Variants in TLE5 observed in about 807,000 individuals in gnomAD.
TLE5 encodes the protein TLE family member 5.
TLE5 carries 7 observed loss-of-function variants against 25.8 expected under a neutral mutation model. The observed-to-expected ratio is 0.27, with a 90% CI of 0.15 to 0.51. TLE5 has a LOEUF of 0.51. TLE5 is among the 20% of genes least tolerant of loss of function. The probability of loss-of-function intolerance (pLI) is 0.97; values close to 1 mark genes in which losing one functional copy is unlikely to be tolerated. For synonymous variants in TLE5, 132 were observed against 110.5 expected, an observed-to-expected ratio of 1.20 and a Z score of -1.22; for missense variants, 149 against 250.7, an observed-to-expected ratio of 0.59 and a Z score of 2.74.
chr19:3,058,237 G>A (rs566821184), intron 2 of TLE5, among the ~76,000 whole-genome samples: 2 of 152,164 alleles, frequency 1.3e-5, no homozygotes, highest in African/African-American at 2.4e-5. Context: ...AGTTAGAGGG[G>A]GCACGGTAAC....
chr19:3,054,519 C>T, intron 5 of TLE5: 1 of 471,472 alleles, frequency 2.1e-6, no homozygotes. Context: ...ATGTGCACAG[C>T]CACCTGCAAA....
At chr19:3,062,680 C>T, upstream of TLE5, 12 of 1,405,484 alleles carry the variant, frequency 8.5e-6, no homozygotes, top group Non-Finnish European at 1.1e-5. Flanking sequence ...CGGGCAGCGG[C>T]CCCCGCCACC....
chr19:3,055,798 C>A, intron 4 of TLE5, 72 bp from the exon 5 acceptor site: 1 of 1,485,688 alleles, frequency 6.7e-7, no homozygotes, highest in Non-Finnish European at 9.1e-7. Context: ...AGGAGGCCTG[C>A]GCGGGGCCCG....
chr19:3,057,546 A>C, intron 3 of TLE5, 133 bp downstream of exon 3: 1 of 834,116 alleles, frequency 1.2e-6, no homozygotes, highest in Admixed American at 2.1e-5. Context: ...GGCTGAATGG[A>C]GAACAGGCCC....
chr19:3,054,322 G>C, intron 5 of TLE5, 128 bp from the exon 6 acceptor site: 1 of 850,962 alleles, frequency 1.2e-6, no homozygotes, highest in Non-Finnish European at 1.9e-6. Flanking sequence ...CCTCCCAGTG[G>C]TTTTCAACCC....
At chr19:3,062,701 C>T (rs2090282877), upstream of TLE5, 3 of 1,507,960 alleles carry the variant, frequency 2.0e-6, no homozygotes, top group Admixed American at 2.2e-5. Flanking sequence ...CTCTCCTACC[C>T]GGCAGCCGGC....
intron 1 of TLE5, 51 bp from the exon 2 acceptor site, chr19:3,061,308 C>G (rs570327889): frequency 2.7e-5 from 40 of 1,457,152 alleles, no homozygotes; most frequent in South Asian, 8.0e-5. Context: ...CTGGACCCCC[C>G]TCAAGGGCCG....
chr19:3,060,108 A>G (rs1221374433), intron 2 of TLE5, among the ~76,000 whole-genome samples: 1 of 152,024 alleles, frequency 6.6e-6, no homozygotes, highest in Admixed American at 6.6e-5. Context: ...TTCAGTTTAG[A>G]GAGGGCCCCA....
chr19:3,055,576 A>G, intron 5 of TLE5, 88 bp downstream of exon 5: 2 of 1,285,826 alleles, frequency 1.6e-6, no homozygotes, highest in East Asian at 2.5e-5. Context: ...TGGGGCGCCC[A>G]GCACACCACC....
chr19:3,058,892 G>A (rs2090241934), intron 2 of TLE5, among the ~76,000 whole-genome samples: 1 of 152,172 alleles, frequency 6.6e-6, no homozygotes, highest in African/African-American at 2.4e-5. Context: ...TGGGTTCAAA[G>A]CTCAGCCCTT....
At chr19:3,062,728 C>T (rs763769446), upstream of TLE5, 104 of 1,537,148 alleles carry the variant, frequency 6.8e-5, no homozygotes, top group Non-Finnish European at 9.0e-5. Flanking sequence ...TCGGTTTCCC[C>T]ATCTGTCAAA....
Position 3,062,449 on chromosome 19 carries a change from G to T in TLE5, c.-249C>A. 1 of 477,910 alleles carries T rather than the reference G, an allele frequency of 2.1e-6. No individual in the cohort carries two copies. The highest frequency in any genetic ancestry group is 2.5e-6 in the Non-Finnish European group (1 of 398,348). 29.6% of individuals were successfully genotyped at this position (477,910 alleles called of 1,614,324 possible). ...GCCCCTCCCCGCCGCCCGCCTCCCCGCTCCCCGGCCCCACCGCTATTGTCT... is the reference window on the plus strand; with the variant it reads ...GCCCCTCCCCGCCGCCCGCCTCCCCTCTCCCCGGCCCCACCGCTATTGTCT... On this transcript the variant is annotated 5_prime_UTR_variant, in exon 1 of 7. Transcript: ENST00000327141.
At chr19:3,055,557 C>CGT in intron 5 of TLE5, 107 bp downstream of exon 5, 1 of 963,054 alleles carries the variant, frequency 1.0e-6, no homozygotes, top group Non-Finnish European at 1.5e-6. Context: ...AGAGGGGAGG[C>CGT]GTGTGCCCTG....
intron 4 of TLE5, chr19:3,055,986 C>T (rs971121883): frequency 2.1e-5 from 11 of 520,506 alleles, no homozygotes; most frequent in Admixed American, 1.4e-4. Context: ...GCACATTCCT[C>T]GGGGGTCGGC....
At chr19:3,062,562 C>T, upstream of TLE5, 1 of 825,216 alleles carries the variant, frequency 1.2e-6, no homozygotes, top group Non-Finnish European at 1.5e-6. Flanking sequence ...GTGCGCGCCG[C>T]CGAGGGGGGG....
chr19:3,053,893 G>A lies in TLE5; in HGVS notation c.520C>T (p.His174Tyr), dbSNP rs1387086796. 1 of 1,613,262 alleles carries A rather than the reference G, an allele frequency of 6.2e-7. No individual in the cohort carries two copies. Among genetic ancestry groups the A allele is most frequent in the South Asian group, 1.1e-5 (1 of 91,090 alleles). ...CCGTTCTTGTCTTCCTTGGAGAGGT[G>A]GGCCTGGGAACCCAGCGCGGACAGC... ...LSLSALGSQAHLSKEDKNGHD... is the reference protein window; with the variant it reads ...LSLSALGSQAYLSKEDKNGHD... Residue 174 changes from histidine (H) to tyrosine (Y), a missense_variant, in exon 7 of 7, where the codon CAC (histidine) becomes TAC (tyrosine). Physicochemically the swap from His to Tyr is moderately conservative, Grantham distance 83. Coordinates refer to ENST00000327141, the MANE Select transcript of TLE5 (RefSeq NM_001130.6).
upstream of TLE5, chr19:3,062,563 C>T (rs1027298880): frequency 1.2e-6 from 1 of 824,458 alleles, no homozygotes; most frequent in Non-Finnish European, 1.5e-6. Flanking sequence ...TGCGCGCCGC[C>T]GAGGGGGGGG....
At chr19:3,056,759 G>A (rs1296383153) in intron 3 of TLE5, 1 of 295,682 alleles carries the variant, frequency 3.4e-6, no homozygotes, top group South Asian at 2.6e-5. Context: ...TAAACAGTGA[G>A]GGGTAAACAA....
intron 2 of TLE5, 87 bp downstream of exon 2, chr19:3,061,073 C>T (rs902980477): frequency 8.2e-6 from 8 of 975,018 alleles, no homozygotes; most frequent in Admixed American, 5.3e-5. Context: ...TTTTCCCAAT[C>T]TCCAGGCCTC....
Sources: allele counts gnomAD v4.1 joint callset (sites outside exome capture counted in the v4.1 genomes callset), GRCh38; gene constraint gnomAD v4.1.1; transcripts MANE v1.5; gene names NCBI Gene and HGNC (gene_info 2026-07-23, HGNC 2026-07-21).